Variants in ASIC2 observed in about 807,000 individuals in gnomAD.
ASIC2 encodes acid-sensing ion channel 2.
A neutral mutation model predicts 57.3 loss-of-function variants in ASIC2; 25 were observed. The ratio of observed to expected loss-of-function variants is 0.44; its 90% confidence interval spans 0.32 to 0.61. ASIC2 has a LOEUF of 0.61. Among genes scored for constraint, ASIC2 ranks in the 20% least tolerant of loss-of-function variants. The pLI, the probability that ASIC2 is intolerant of heterozygous loss-of-function variation, is 0.06. For synonymous variants in ASIC2, 319 were observed against 307.5 expected (o/e 1.04, Z -0.39); for missense variants, 641 against 738.1 (o/e 0.87, Z 1.52).
chr17:33,174,150 G>A (rs1905642762), intron 1 of ASIC2, among the ~76,000 whole-genome samples: 1 of 152,144 alleles, frequency 6.6e-6, no homozygotes, highest in Non-Finnish European at 1.5e-5. Flanking sequence ...GGCCAGGCAC[G>A]GTGGTTCACG....
At chr17:33,297,512 G>A (rs1048423022), upstream of ASIC2, among the ~76,000 whole-genome samples, 3 of 152,116 alleles carry the variant, frequency 2.0e-5, no homozygotes, top group African/African-American at 7.2e-5. Flanking sequence ...GGTGATAAGA[G>A]CCACATTACT....
chr17:33,206,411 G>T (rs1907063659), intron 1 of ASIC2, among the ~76,000 whole-genome samples: 1 of 152,140 alleles, frequency 6.6e-6, no homozygotes. Context: ...GGCTGGGGAG[G>T]AAACCAAGAT....
intron 1 of ASIC2, among the ~76,000 whole-genome samples, chr17:33,312,124 CCTT>C (rs779111065): frequency 5.3e-5 from 8 of 152,144 alleles, no homozygotes; most frequent in Non-Finnish European, 1.0e-4. Flanking sequence ...TGCTTTGTCT[CCTT>C]ATCTTTAATG....
chr17:33,829,116 C>A (rs1913027930), intron 1 of ASIC2, among the ~76,000 whole-genome samples: 1 of 152,182 alleles, frequency 6.6e-6, no homozygotes, highest in Non-Finnish European at 1.5e-5. Context: ...CCAGCCTATG[C>A]ACTGGAGAGA....
chr17:33,535,523 G>A (rs111730114), intron 1 of ASIC2, among the ~76,000 whole-genome samples: 4,799 of 151,902 alleles, frequency 0.032, 252 homozygotes, highest in African/African-American at 0.11. Context: ...TGATCTGCCC[G>A]TCTCGGCCTC....
intron 1 of ASIC2, among the ~76,000 whole-genome samples, chr17:33,685,939 A>G (rs1908171905): frequency 6.6e-6 from 1 of 152,102 alleles, no homozygotes; most frequent in African/African-American, 2.4e-5. Context: ...GCTCTCAGTC[A>G]CGGGGGACCG....
chr17:34,009,207 C>A (rs1328589037), intron 1 of ASIC2, among the ~76,000 whole-genome samples: 1 of 152,126 alleles, frequency 6.6e-6, no homozygotes, highest in Non-Finnish European at 1.5e-5. Flanking sequence ...GAGACTATCG[C>A]CCTCACTCCG....
chr17:34,082,643 C>T (rs1008521475), intron 1 of ASIC2, among the ~76,000 whole-genome samples: 1 of 152,222 alleles, frequency 6.6e-6, no homozygotes, highest in African/African-American at 2.4e-5. Flanking sequence ...TAATGACAAC[C>T]TCCACAACAG....
At chr17:34,002,563 C>G (rs912256049) in intron 1 of ASIC2, 1 of 152,234 alleles carries the variant, frequency 6.6e-6, no homozygotes, top group South Asian at 2.1e-4. Context: ...AGGTGCTCTC[C>G]TCAAAGAGCT....
intron 1 of ASIC2, among the ~76,000 whole-genome samples, chr17:33,345,120 G>T (rs1907892685): frequency 6.6e-6 from 1 of 152,196 alleles, no homozygotes; most frequent in South Asian, 2.1e-4. Context: ...AGGCTCATTT[G>T]TAATTAGTAA....
intron 1 of ASIC2, among the ~76,000 whole-genome samples, chr17:33,633,580 C>T (rs1447538868): frequency 2.0e-5 from 3 of 152,322 alleles, no homozygotes; most frequent in Non-Finnish European, 2.9e-5. Flanking sequence ...ATGCAGCCTA[C>T]GCCTGCCATG....
At chr17:33,493,723 A>G (rs2141936295) in intron 1 of ASIC2, among the ~76,000 whole-genome samples, 1 of 152,102 alleles carries the variant, frequency 6.6e-6, no homozygotes, top group South Asian at 2.1e-4. Context: ...GGAACCCGCC[A>G]TCCTTCCCCC....
intron 1 of ASIC2, among the ~76,000 whole-genome samples, chr17:33,615,239 A>G (rs556458055): frequency 6.6e-6 from 1 of 152,338 alleles, no homozygotes; most frequent in African/African-American, 2.4e-5. Flanking sequence ...AAAGATTTCA[A>G]TGTGCATTGC....
intron 1 of ASIC2, among the ~76,000 whole-genome samples, chr17:34,103,348 C>A (rs1910935129): frequency 6.6e-6 from 1 of 151,888 alleles, no homozygotes; most frequent in Non-Finnish European, 1.5e-5. Flanking sequence ...GAGATGGGGT[C>A]TCATTATGTT....
chr17:33,097,742 T>C (rs1317625235), intron 2 of ASIC2, among the ~76,000 whole-genome samples: 1 of 152,210 alleles, frequency 6.6e-6, no homozygotes, highest in East Asian at 1.9e-4. Flanking sequence ...CTTTGTTCTT[T>C]CATCTTAGAA....
intron 3 of ASIC2, among the ~76,000 whole-genome samples, chr17:33,039,443 G>C (rs1028751649): frequency 2.6e-5 from 4 of 152,178 alleles, no homozygotes; most frequent in African/African-American, 9.7e-5. Context: ...TCAAGATTAA[G>C]CTGGCTTTGA....
chr17:33,954,697 C>T (rs189990376), intron 1 of ASIC2, among the ~76,000 whole-genome samples: 5 of 152,178 alleles, frequency 3.3e-5, no homozygotes, highest in African/African-American at 1.2e-4. Flanking sequence ...AGCTCTGCCA[C>T]GAAGCTGTGA....
At chr17:33,081,745 G>C (rs1186853040) in intron 3 of ASIC2, among the ~76,000 whole-genome samples, 1 of 152,196 alleles carries the variant, frequency 6.6e-6, no homozygotes, top group East Asian at 1.9e-4. Flanking sequence ...CCACCAAGCT[G>C]CTGGGCCTTT....
chr17:33,283,414 G>A (rs1338125137), intron 1 of ASIC2, among the ~76,000 whole-genome samples: 1 of 152,184 alleles, frequency 6.6e-6, no homozygotes, highest in Non-Finnish European at 1.5e-5. Context: ...CTGAATCAGG[G>A]TCTCTGTTGA....
Sources: allele counts gnomAD v4.1 joint callset (sites outside exome capture counted in the v4.1 genomes callset), GRCh38; gene constraint gnomAD v4.1.1; transcripts MANE v1.5; gene names NCBI Gene and HGNC (gene_info 2026-07-23, HGNC 2026-07-21).